The following ARHGAP6 variants were observed in gnomAD, a reference collection of about 807,000 sequenced individuals.
ARHGAP6 encodes the protein Rho GTPase activating protein 6.
In ARHGAP6, 16 loss-of-function variants were observed where a neutral mutation model predicts 55.7. The ratio of observed to expected loss-of-function variants is 0.29; its 90% CI spans 0.19 to 0.44. The LOEUF (loss-of-function observed/expected upper bound fraction) is 0.44, where lower values mean the gene tolerates loss of function less well. ARHGAP6 is among the 20% of genes least tolerant of loss of function. The pLI is 1.00. For synonymous variants in ARHGAP6, 382 were observed against 360.9 expected, an observed-to-expected ratio of 1.06 and a Z score of -0.66; for missense variants, 698 against 808.9, an observed-to-expected ratio of 0.86 and a Z score of 1.66.
At chrX:11,366,695 G>T (rs373688651) in intron 1 of ARHGAP6, among the ~76,000 whole-genome samples, 7 of 112,116 alleles carry the variant, frequency 6.2e-5, no homozygotes, top group African/African-American at 2.3e-4. Flanking sequence ...GCACAGGGAT[G>T]AGTTTCCTTT....
intron 1 of ARHGAP6, among the ~76,000 whole-genome samples, chrX:11,459,112 A>G (rs1020707814): frequency 9.0e-6 from 1 of 111,429 alleles, no homozygotes; most frequent in Non-Finnish European, 1.9e-5. Context: ...ATTAACTTCT[A>G]CTAGCCATCT....
chrX:11,221,369 A>C (rs1050560392), intron 2 of ARHGAP6: 2 of 153,225 alleles, frequency 1.3e-5, no homozygotes, highest in Middle Eastern at 6.9e-4. Flanking sequence ...CAGAAGCTAG[A>C]AGATATTGCA....
chrX:11,580,268 T>C (rs1315040037), intron 1 of ARHGAP6, among the ~76,000 whole-genome samples: 1 of 112,473 alleles, frequency 8.9e-6, no homozygotes, highest in Non-Finnish European at 1.9e-5. Flanking sequence ...TTCATTGCTC[T>C]TTCACACTGT....
At chrX:11,486,919 A>G (rs771877353) in intron 1 of ARHGAP6, among the ~76,000 whole-genome samples, 6 of 111,862 alleles carry the variant, frequency 5.4e-5, no homozygotes, top group Admixed American at 3.8e-4. Context: ...GAGCCCAAGA[A>G]AGGTGAGCAA....
At chrX:11,175,417 G>A (rs1477393942) in intron 8 of ARHGAP6, among the ~76,000 whole-genome samples, 1 of 111,889 alleles carries the variant, frequency 8.9e-6, no homozygotes, top group East Asian at 2.8e-4. Context: ...AGAAACCCTC[G>A]TAAACCCTGG....
rs180739536 is a variant in ARHGAP6, at chrX:11,658,763, G to A, written c.588+5478C>T. ...AAAGCCACAAGCATGAGAGAAAATG[G>A]TACTGAAAAGCAAAACCTGGAATTC... On this transcript the variant is annotated intron_variant, in intron 1 of 12. Transcript: ENST00000337414. Among the ~76,000 whole-genome samples the A allele has an allele frequency of 1.7e-4, 18 of 106,460 alleles. No individual in the cohort carries two copies. The East Asian group carries it at 4.9e-3, about 29-fold the overall frequency. 92.4% of individuals were successfully genotyped at this position (106,460 alleles called of 115,157 possible). A position where few individuals can be genotyped will look rare whatever the true frequency, so the allele number is the denominator to read the frequency against.
rs190628311 is a variant in ARHGAP6 at position 11,652,056 on chromosome X, T to C, written c.588+12185A>G. On this transcript the variant is annotated intron_variant, in intron 1 of 12. Coordinates refer to ENST00000337414, the MANE Select transcript of ARHGAP6 (RefSeq NM_013427.3). Reference sequence around the variant, plus strand: ...ATTAGAACTTTGTCAGATGCATATATTGCAAAAATTTTCTCCTATTCTGTA... The same window carrying C: ...ATTAGAACTTTGTCAGATGCATATACTGCAAAAATTTTCTCCTATTCTGTA... 1.9e-4 allele frequency among the ~76,000 whole-genome samples: 21 copies of C among 112,508 alleles called. No individual in the cohort carries two copies. The East Asian group carries it at 5.6e-3, about 30-fold the overall frequency.
chrX:11,272,602 C>T (rs1459620214), intron 1 of ARHGAP6, among the ~76,000 whole-genome samples: 11 of 110,175 alleles, frequency 1.0e-4, no homozygotes, highest in Admixed American at 9.7e-4. Context: ...ATAACGTGCC[C>T]TCATCTCAAA....
chrX:11,238,340 G>T (rs917701254), intron 2 of ARHGAP6, among the ~76,000 whole-genome samples: 1 of 112,118 alleles, frequency 8.9e-6, no homozygotes, highest in African/African-American at 3.2e-5. Flanking sequence ...TACAGATGGG[G>T]GAATAAGCCA....
intron 6 of ARHGAP6, 95 bp downstream of exon 6, chrX:11,181,965 AGAT>A: frequency 1.5e-6 from 1 of 672,143 alleles, no homozygotes; most frequent in Non-Finnish European, 2.2e-6. Flanking sequence ...AAAAAAAAAA[AGAT>A]AATCAAAATG....
intron 1 of ARHGAP6, among the ~76,000 whole-genome samples, chrX:11,583,072 A>G (rs1466252747): frequency 1.8e-5 from 2 of 112,183 alleles, no homozygotes; most frequent in Non-Finnish European, 3.8e-5. Context: ...AAATAGTCCC[A>G]TTTTTAAAAT....
At chrX:11,556,452 T>A (rs1482727732) in intron 1 of ARHGAP6, among the ~76,000 whole-genome samples, 1 of 112,387 alleles carries the variant, frequency 8.9e-6, no homozygotes, top group Admixed American at 9.4e-5. Context: ...CAACTTGTGC[T>A]ATACCCCAGC....
intron 1 of ARHGAP6, among the ~76,000 whole-genome samples, chrX:11,574,570 G>A (rs1362461616): frequency 9.5e-4 from 104 of 109,128 alleles, no homozygotes; most frequent in Non-Finnish European, 1.7e-3. Flanking sequence ...TTGATGGGAC[G>A]TATCTCAAAA....
intron 1 of ARHGAP6, among the ~76,000 whole-genome samples, chrX:11,347,027 A>C (rs1193982582): frequency 8.9e-6 from 1 of 112,401 alleles, no homozygotes; most frequent in African/African-American, 3.2e-5. Flanking sequence ...CATTGTTAAA[A>C]TATCACTGTT....
chrX:11,384,339 C>T, intron 1 of ARHGAP6, among the ~76,000 whole-genome samples: 1 of 112,225 alleles, frequency 8.9e-6, no homozygotes, highest in South Asian at 3.7e-4. Context: ...AGCTTGAATA[C>T]TTTCAAGGGT....
intron 1 of ARHGAP6, among the ~76,000 whole-genome samples, chrX:11,304,585 T>C (rs1348190616): frequency 2.8e-5 from 3 of 108,978 alleles, no homozygotes; most frequent in Non-Finnish European, 5.7e-5. Context: ...CAGGCAAGTG[T>C]CATGGGGGCG....
Position 11,413,111 on chromosome X carries a change from TG to T in ARHGAP6, c.589-158405del, listed in dbSNP as rs779522070. Reference sequence around the variant, plus strand: ...ATTTCCACCCTCAGAGACATTTTCCTGGTTCTCTGTTCTGTGCCCCGACCTA... The same window carrying T: ...ATTTCCACCCTCAGAGACATTTTCCTGTTCTCTGTTCTGTGCCCCGACCTA... On this transcript the variant is annotated intron_variant, in intron 1 of 12. Transcript: ENST00000337414. Among the ~76,000 whole-genome samples, 411 of 112,361 alleles carry T rather than the reference TG, an allele frequency of 3.7e-3. 1 individual carries two copies. Among genetic ancestry groups the T allele is most frequent in the Admixed American group, 7.1e-3 (75 of 10,611 alleles).
chrX:11,663,557 C>A (rs774950199), intron 1 of ARHGAP6, among the ~76,000 whole-genome samples: 1 of 112,165 alleles, frequency 8.9e-6, no homozygotes, highest in South Asian at 3.7e-4. Flanking sequence ...CCCTCTGAGT[C>A]CCCTATGTAT....
chrX:11,180,171 T>C (rs1461167481), intron 6 of ARHGAP6, among the ~76,000 whole-genome samples: 1 of 111,646 alleles, frequency 9.0e-6, no homozygotes, highest in East Asian at 2.8e-4. Context: ...ATCATTATAC[T>C]AGGTCTATTA....
Sources: gnomAD v4.1 joint callset for allele counts (sites outside exome capture counted in the v4.1 genomes callset) on GRCh38, gnomAD v4.1.1 for gene constraint, MANE v1.5 for transcripts, NCBI Gene and HGNC (gene_info 2026-07-23, HGNC 2026-07-21) for gene names.